PTBP3: variants seen among roughly 807,000 people sequenced by gnomAD.
PTBP3 encodes the protein polypyrimidine tract binding protein 3, also known as polypyrimidine tract-binding protein 3.
A neutral mutation model predicts 58.7 loss-of-function variants in PTBP3; 20 were observed. That is an observed-to-expected ratio of 0.34 (90% CI 0.24 to 0.50). The LOEUF (loss-of-function observed/expected upper bound fraction) is 0.50. PTBP3 is among the 20% of genes least tolerant of loss of function. The probability of loss-of-function intolerance (pLI) is 0.98; values close to 1 mark genes in which losing one functional copy is unlikely to be tolerated. For missense variants in PTBP3, 509 were observed against 637.2 expected, an observed-to-expected ratio of 0.80 and a Z score of 2.17; for synonymous variants, 185 against 219.8, an observed-to-expected ratio of 0.84 and a Z score of 1.40.
chr9:112,349,915 C>T, the PTBP3 span, among the ~76,000 whole-genome samples: 1 of 144,364 alleles, frequency 6.9e-6, no homozygotes, highest in African/African-American at 2.6e-5. Flanking sequence ...ACAGGACACC[C>T]AGTTGGAAAT....
upstream of PTBP3, among the ~76,000 whole-genome samples, chr9:112,335,674 G>A (rs1365930011): frequency 5.2e-5 from 7 of 134,726 alleles, no homozygotes; most frequent in African/African-American, 8.1e-5. Context: ...TGTAATCCCA[G>A]CACTTTGGGA....
intron 2 of PTBP3, among the ~76,000 whole-genome samples, chr9:112,280,297 CGCCCACCTTG>C (rs968688124): frequency 6.6e-6 from 1 of 152,104 alleles, no homozygotes; most frequent in African/African-American, 2.4e-5. Context: ...TCAGGTAATG[CGCCCACCTTG>C]GCCTTCCTAA....
chr9:112,306,826 G>A (rs1247502988), intron 1 of PTBP3, among the ~76,000 whole-genome samples: 3 of 151,976 alleles, frequency 2.0e-5, no homozygotes, highest in African/African-American at 7.2e-5. Context: ...ATGTTGGTCA[G>A]GCTGGTCTCA....
At chr9:112,291,990 C>T (rs752700054) in intron 2 of PTBP3, among the ~76,000 whole-genome samples, 2 of 151,938 alleles carry the variant, frequency 1.3e-5, no homozygotes, top group South Asian at 2.1e-4. Flanking sequence ...AATCAGAATA[C>T]ATAAAGAGCT....
At chr9:112,226,126 C>G (rs1218403637) in intron 12 of PTBP3, among the ~76,000 whole-genome samples, 1 of 151,762 alleles carries the variant, frequency 6.6e-6, no homozygotes, top group Non-Finnish European at 1.5e-5. Context: ...GTCCATTTAC[C>G]CTACACTCCA....
chr9:112,249,416 G>C (rs551671728), intron 7 of PTBP3, among the ~76,000 whole-genome samples: 1 of 152,082 alleles, frequency 6.6e-6, no homozygotes, highest in Admixed American at 6.6e-5. Context: ...ACCTTTAAAA[G>C]AGAAAGAACA....
chr9:112,250,929 CA>C lies in PTBP3; in HGVS notation c.801del (p.Phe267LeufsTer6). 6.5e-7 allele frequency: 1 copy of C among 1,544,862 alleles called. No homozygotes were observed. Among genetic ancestry groups the C allele is most frequent in the Non-Finnish European group, 8.7e-7 (1 of 1,149,832 alleles). Reference protein sequence around the residue: ...PSLEPPMAAAFGAPGIISSPY... With the variant: ...PSLEPPMAAAXGAPGIISSPY... ...TGTGACCCAAAAAAGAACTACTCAC[CA>C]AAAGCAGCAGCCATAGGGGGTTCAA... On this transcript the variant is annotated frameshift_variant and splice_region_variant, in exon 7 of 14. Coordinates refer to ENST00000374257, the MANE Select transcript of PTBP3 (RefSeq NM_001163788.4). LOFTEE classifies it high-confidence loss of function.
intron 5 of PTBP3, among the ~76,000 whole-genome samples, chr9:112,254,929 G>A (rs892704194): frequency 5.3e-5 from 8 of 152,060 alleles, no homozygotes; most frequent in Non-Finnish European, 5.9e-5. Flanking sequence ...CATGTGTATC[G>A]CAGCATTACA....
chr9:112,338,275 C>A (rs1313152190), upstream of PTBP3, among the ~76,000 whole-genome samples: 1 of 152,136 alleles, frequency 6.6e-6, no homozygotes, highest in Non-Finnish European at 1.5e-5. Context: ...TTATACAAAT[C>A]TACACATGAT....
Position 112,221,608 on chromosome 9 carries a change from T to C in PTBP3, c.*2243A>G. ...ATTTTTTTCCTCCTTCATATACCCCTTGTGTCTAGGTCAAAACTTATTTCA... is the reference window on the plus strand; with the variant it reads ...ATTTTTTTCCTCCTTCATATACCCCCTGTGTCTAGGTCAAAACTTATTTCA... On this transcript the variant is annotated 3_prime_UTR_variant, in exon 14 of 14. Transcript: ENST00000374257. 1.0e-6 allele frequency: 1 copy of C among 985,410 alleles called. No homozygotes were observed. Among genetic ancestry groups the C allele is most frequent in the Non-Finnish European group, 1.2e-6 (1 of 829,902 alleles). The allele number at this position is 985,410 out of a possible 1,614,324, so 61.0% of individuals were successfully genotyped here.
At chr9:112,359,446 A>G in the PTBP3 span, among the ~76,000 whole-genome samples, 1 of 151,964 alleles carries the variant, frequency 6.6e-6, no homozygotes, top group Non-Finnish European at 1.5e-5. Flanking sequence ...ACTCTGTCTC[A>G]AAAAGAAAAA....
At chr9:112,295,731 T>C (rs918010277) in intron 2 of PTBP3, among the ~76,000 whole-genome samples, 2 of 151,890 alleles carry the variant, frequency 1.3e-5, no homozygotes, top group Non-Finnish European at 2.9e-5. Flanking sequence ...TTTTTCAAAA[T>C]TGTCAAAGGA....
chr9:112,301,277 C>T (rs1828922092), intron 1 of PTBP3, among the ~76,000 whole-genome samples: 1 of 148,826 alleles, frequency 6.7e-6, no homozygotes. Context: ...TCAAAAGCCA[C>T]TTCAAGGAAA....
chr9:112,253,329 A>C (rs1372278635), intron 5 of PTBP3, among the ~76,000 whole-genome samples: 1 of 152,348 alleles, frequency 6.6e-6, no homozygotes, highest in East Asian at 1.9e-4. Context: ...AAATAAAAGA[A>C]GGGAAGGGGT....
chr9:112,375,081 C>T, the PTBP3 span, among the ~76,000 whole-genome samples: 1 of 152,160 alleles, frequency 6.6e-6, no homozygotes, highest in Non-Finnish European at 1.5e-5. Context: ...TGGATGATGA[C>T]AGGGGTGGTT....
intron 2 of PTBP3, among the ~76,000 whole-genome samples, chr9:112,279,299 T>C (rs1332454166): frequency 1.3e-5 from 2 of 152,328 alleles, no homozygotes; most frequent in Middle Eastern, 3.4e-3. Flanking sequence ...TTTGCTTGTA[T>C]AAATCGTGTT....
chr9:112,363,389 C>G, the PTBP3 span, among the ~76,000 whole-genome samples: 6 of 151,880 alleles, frequency 4.0e-5, no homozygotes. Context: ...ACAAAAAATA[C>G]CAGCCTGTAG....
intron 1 of PTBP3, among the ~76,000 whole-genome samples, chr9:112,322,525 C>T (rs985248800): frequency 6.6e-6 from 1 of 152,202 alleles, no homozygotes; most frequent in Non-Finnish European, 1.5e-5. Flanking sequence ...GGCTCAGACT[C>T]TAGAAGAGGG....
At position 112,223,629 on chromosome 9, in the gene PTBP3, T is replaced by C; in HGVS notation, c.*222A>G. 7.9e-7 allele frequency: 1 copy of C among 1,260,496 alleles called. No individual in the cohort carries two copies. Among genetic ancestry groups the C allele is most frequent in the Non-Finnish European group, 1.0e-6 (1 of 997,082 alleles). 78.1% of individuals were successfully genotyped at this position (1,260,496 alleles called of 1,614,324 possible). On this transcript the variant is annotated 3_prime_UTR_variant, in exon 14 of 14. Coordinates refer to ENST00000374257, the MANE Select transcript of PTBP3 (RefSeq NM_001163788.4). ...CTGATTTTCTTTTTCCTGAAGGTTA[T>C]TTTTGTAGAAACCATGGTAAAAAGG...
Sources: gnomAD v4.1 joint callset for allele counts (sites outside exome capture counted in the v4.1 genomes callset) on GRCh38, gnomAD v4.1.1 for gene constraint, MANE v1.5 for transcripts, NCBI Gene and HGNC (gene_info 2026-07-23, HGNC 2026-07-21) for gene names.